The following LSAMP variants were observed in gnomAD, a reference collection of about 807,000 sequenced individuals.
The protein encoded by LSAMP is limbic system-associated membrane protein.
Under a neutral mutation model 38.6 loss-of-function variants are expected in LSAMP, and 7 were observed. That is an observed-to-expected ratio of 0.18 (90% CI 0.10 to 0.34). The LOEUF is 0.34. LSAMP is among the 10% of genes least tolerant of loss of function. The pLI is 1.00. For missense variants in LSAMP, 313 were observed against 420.0 expected (o/e 0.75, Z 2.23); for synonymous variants, 154 against 166.8 (o/e 0.92, Z 0.59).
At chr3:116,129,253 C>T (rs759527559) in intron 1 of LSAMP, among the ~76,000 whole-genome samples, 15 of 152,052 alleles carry the variant, frequency 9.9e-5, no homozygotes, top group African/African-American at 1.7e-4. Flanking sequence ...CTTTCTATTG[C>T]GTACACAACA....
chr3:115,964,177 T>C (rs1021267946), intron 3 of LSAMP, among the ~76,000 whole-genome samples: 3 of 152,212 alleles, frequency 2.0e-5, no homozygotes, highest in African/African-American at 4.8e-5. Context: ...ATGGCACTTA[T>C]TTTTGGTGTT....
chr3:116,018,969 A>G (rs1559922340), intron 3 of LSAMP, among the ~76,000 whole-genome samples: 1 of 152,128 alleles, frequency 6.6e-6, no homozygotes, highest in African/African-American at 2.4e-5. Context: ...TATTTTCTTG[A>G]TAGATTTCTT....
intron 2 of LSAMP, among the ~76,000 whole-genome samples, chr3:116,049,602 T>C (rs569184187): frequency 3.9e-5 from 6 of 152,326 alleles, no homozygotes; most frequent in African/African-American, 1.4e-4. Flanking sequence ...AATTTTGTTT[T>C]GAATGGATAT....
intron 3 of LSAMP, among the ~76,000 whole-genome samples, chr3:115,991,060 C>T (rs1939652572): frequency 6.6e-6 from 1 of 152,028 alleles, no homozygotes; most frequent in Non-Finnish European, 1.5e-5. Flanking sequence ...CCCCGACCCC[C>T]GGCTATGCCT....
chr3:116,400,250 A>G (rs544756627), intron 1 of LSAMP, among the ~76,000 whole-genome samples: 1 of 152,092 alleles, frequency 6.6e-6, no homozygotes, highest in African/African-American at 2.4e-5. Context: ...GGGCAAACAT[A>G]TCAACATTTG....
intron 1 of LSAMP, among the ~76,000 whole-genome samples, chr3:116,263,343 GC>G (rs1335989350): frequency 5.3e-5 from 8 of 152,000 alleles, no homozygotes. Context: ...TTGGAGACCA[GC>G]CTGGCCAACA....
At chr3:116,399,757 C>T (rs972502394) in intron 1 of LSAMP, among the ~76,000 whole-genome samples, 3 of 152,184 alleles carry the variant, frequency 2.0e-5, no homozygotes, top group African/African-American at 4.8e-5. Flanking sequence ...ATTGAGCAAA[C>T]GCTACTGACC....
At chr3:116,024,278 CA>C (rs1576315235) in intron 2 of LSAMP, among the ~76,000 whole-genome samples, 1 of 152,214 alleles carries the variant, frequency 6.6e-6, no homozygotes, top group East Asian at 1.9e-4. Flanking sequence ...AGTAGGTGCT[CA>C]AAAAGTGCTT....
intron 3 of LSAMP, among the ~76,000 whole-genome samples, chr3:115,890,638 C>T (rs1249315010): frequency 2.0e-5 from 3 of 151,928 alleles, no homozygotes; most frequent in Non-Finnish European, 4.4e-5. Context: ...CTACTCTTCG[C>T]CTGTTTCTGT....
At chr3:115,871,279 C>T (rs944087856) in intron 3 of LSAMP, among the ~76,000 whole-genome samples, 3 of 151,880 alleles carry the variant, frequency 2.0e-5, no homozygotes, top group African/African-American at 7.3e-5. Flanking sequence ...CATTTTTCTC[C>T]CTTCTTTTAA....
intron 3 of LSAMP, among the ~76,000 whole-genome samples, chr3:115,893,728 T>C (rs2107464307): frequency 6.6e-6 from 1 of 152,126 alleles, no homozygotes; most frequent in South Asian, 2.1e-4. Flanking sequence ...AGGCAATTAA[T>C]TCATAAAATG....
At chr3:116,391,112 C>A (rs1195515148) in intron 1 of LSAMP, among the ~76,000 whole-genome samples, 1 of 152,206 alleles carries the variant, frequency 6.6e-6, no homozygotes, top group East Asian at 1.9e-4. Context: ...TGGGGTTCTT[C>A]CCATTGGTTA....
intron 2 of LSAMP, among the ~76,000 whole-genome samples, chr3:116,054,187 T>C (rs1941447320): frequency 6.6e-6 from 1 of 152,182 alleles, no homozygotes; most frequent in South Asian, 2.1e-4. Flanking sequence ...CAGTGCAGCA[T>C]CAATAATCTC....
chr3:115,820,535 TA>T (rs761838388), intron 6 of LSAMP, among the ~76,000 whole-genome samples: 2 of 152,216 alleles, frequency 1.3e-5, no homozygotes, highest in Non-Finnish European at 2.9e-5. Context: ...TCGAGACATT[TA>T]TTTAAGCTAA....
At chr3:116,062,334 C>A (rs750383914) in intron 2 of LSAMP, among the ~76,000 whole-genome samples, 1 of 152,122 alleles carries the variant, frequency 6.6e-6, no homozygotes, top group Non-Finnish European at 1.5e-5. Flanking sequence ...CATGGTAAAA[C>A]CCTGTCTCTA....
intron 3 of LSAMP, among the ~76,000 whole-genome samples, chr3:115,961,043 G>T (rs970915745): frequency 1.3e-5 from 2 of 152,256 alleles, no homozygotes; most frequent in Middle Eastern, 3.4e-3. Context: ...ATCAATCCCC[G>T]GGTCTGCTTT....
intron 1 of LSAMP, among the ~76,000 whole-genome samples, chr3:116,259,553 T>C (rs2046797995): frequency 6.6e-6 from 1 of 152,158 alleles, no homozygotes; most frequent in Non-Finnish European, 1.5e-5. Flanking sequence ...TATTTCGTTT[T>C]GCTAGATTAC....
intron 6 of LSAMP, among the ~76,000 whole-genome samples, chr3:115,823,792 G>A (rs1934323013): frequency 6.6e-6 from 1 of 152,184 alleles, no homozygotes; most frequent in South Asian, 2.1e-4. Flanking sequence ...GAGAAGCTAA[G>A]ATGGGTGAAT....
chr3:116,286,377 C>T (rs528778648), intron 1 of LSAMP, among the ~76,000 whole-genome samples: 21 of 152,184 alleles, frequency 1.4e-4, no homozygotes, highest in Middle Eastern at 3.4e-3. Context: ...AACAGGGTTT[C>T]CTTCAGCAGA....
Sources: gnomAD v4.1 joint callset for allele counts (sites outside exome capture counted in the v4.1 genomes callset) on GRCh38, gnomAD v4.1.1 for gene constraint, MANE v1.5 for transcripts, NCBI Gene and HGNC (gene_info 2026-07-23, HGNC 2026-07-21) for gene names.